NLRP12: variants seen among roughly 807,000 people sequenced by gnomAD.
NLRP12 encodes NACHT, LRR and PYD domains-containing protein 12.
NLRP12 carries 108 observed loss-of-function variants against 91.2 expected under a neutral mutation model. The ratio of observed to expected loss-of-function variants is 1.18; its 90% confidence interval spans 1.01 to 1.39. The LOEUF (loss-of-function observed/expected upper bound fraction) is 1.39, where lower values mean the gene tolerates loss of function less well. Ranked by LOEUF, NLRP12 falls within the 40% of genes most tolerant of loss-of-function variation. The pLI is 0.00. For missense variants in NLRP12, 1,530 were observed against 1,352.7 expected, an observed-to-expected ratio of 1.13 and a Z score of -2.06; for synonymous variants, 613 against 566.7, an observed-to-expected ratio of 1.08 and a Z score of -1.16.
chr19:53,800,351 C>T (rs945403990), intron 7 of NLRP12, among the ~76,000 whole-genome samples: 3 of 152,052 alleles, frequency 2.0e-5, no homozygotes, highest in African/African-American at 7.2e-5. Context: ...CGCTTGCAGT[C>T]CCAGCTACTC....
At chr19:53,800,010 A>G (rs2091840398) in intron 7 of NLRP12, among the ~76,000 whole-genome samples, 1 of 152,046 alleles carries the variant, frequency 6.6e-6, no homozygotes, top group Admixed American at 6.6e-5. Flanking sequence ...CAAAAAATAA[A>G]TAAAAATTGG....
rs1422013944 is a variant in NLRP12 at position 53,814,917 on chromosome 19, G to A, written c.361C>T (p.Pro121Ser). The A allele has an allele frequency of 6.2e-7, 1 of 1,613,760 alleles. No homozygotes were observed. The highest frequency in any genetic ancestry group is 1.7e-5 in the Admixed American group (1 of 59,972). ...ATGGCTTGAGGCTCACCTTTTCTTG[G>A]AGTGACAAGAGAGACTTCCAGAAGG... ...TCLLEVSLVT[P>S]RKDPQETYRD... The change falls in exon 2 of 10, where the codon CCA becomes TCA. Residue 121 changes from proline (P) to serine (S), a missense_variant. Coordinates refer to ENST00000324134, the MANE Select transcript of NLRP12 (RefSeq NM_144687.4).
intron 7 of NLRP12, among the ~76,000 whole-genome samples, chr19:53,800,315 A>G (rs1458016154): frequency 1.3e-5 from 2 of 151,962 alleles, no homozygotes; most frequent in African/African-American, 4.8e-5. Context: ...AAAAAAAAGT[A>G]AAAATTAGCC....
chr19:53,810,436 C>CA lies in NLRP12; in HGVS notation c.1222dup (p.Trp408LeufsTer70). 6.2e-7 allele frequency: 1 copy of CA among 1,614,050 alleles called. No individual in the cohort carries two copies. The highest frequency in any genetic ancestry group is 8.5e-7 in the Non-Finnish European group (1 of 1,180,024). ...CTGCTGGAGGCAGGTACACACCACC[C>CA]AGCACACCAGGGGGACGAAGCACAT... On this transcript the variant is annotated frameshift_variant, in exon 3 of 10. Transcript: ENST00000324134. LOFTEE classifies it high-confidence loss of function.
Position 53,793,839 on chromosome 19 carries a change from C to G in NLRP12, c.*210G>C. ...TGACCTCGTGATCCACCTGCCTCGG[C>G]CTCTCGAAGTGCTAGGATTACATAC... On this transcript the variant is annotated 3_prime_UTR_variant, in exon 10 of 10. Coordinates refer to ENST00000324134, the MANE Select transcript of NLRP12 (RefSeq NM_144687.4). The G allele has an allele frequency of 1.6e-6, 1 of 638,956 alleles. No individual in the cohort carries two copies. Among genetic ancestry groups the G allele is most frequent in the Non-Finnish European group, 2.8e-6 (1 of 352,272 alleles). The allele number at this position is 638,956 out of a possible 1,614,324, so 39.6% of individuals were successfully genotyped here.
chr19:53,797,130 AATT>A (rs10694110), intron 8 of NLRP12, among the ~76,000 whole-genome samples: 2 of 145,846 alleles, frequency 1.4e-5, no homozygotes, highest in African/African-American at 5.0e-5. Context: ...CACCAGATTG[AATT>A]ATTATTTTTT....
chr19:53,814,368 T>TA (rs370851923), intron 2 of NLRP12, among the ~76,000 whole-genome samples: 25 of 151,968 alleles, frequency 1.6e-4, no homozygotes, highest in African/African-American at 5.8e-4. Context: ...GCTTTTTTTT[T>TA]AAGAGATGGA....
At chr19:53,821,286 C>T (rs2092262062) in intron 1 of NLRP12, among the ~76,000 whole-genome samples, 2 of 152,040 alleles carry the variant, frequency 1.3e-5, no homozygotes, top group South Asian at 2.1e-4. Flanking sequence ...GATCCATCCA[C>T]CTCAATCTCC....
intron 7 of NLRP12, among the ~76,000 whole-genome samples, chr19:53,800,629 C>A (rs1401128542): frequency 6.6e-6 from 1 of 151,582 alleles, no homozygotes; most frequent in Non-Finnish European, 1.5e-5. Flanking sequence ...GTTGCCCAGA[C>A]TGGAGTGCAA....
intron 9 of NLRP12, among the ~76,000 whole-genome samples, chr19:53,794,813 C>T (rs953517407): frequency 4.6e-5 from 7 of 151,746 alleles, no homozygotes; most frequent in East Asian, 1.9e-4. Context: ...ATTACAGTCA[C>T]GTGCCACCAT....
At position 53,801,094 on chromosome 19, in the gene NLRP12, C is replaced by A. The variant is rs530941395; in HGVS notation, c.2756+133G>T. The stretch of plus-strand genomic sequence containing the variant: ...TGTAATCTCAGCTACTTGGGAGTCT[C>A]AAAAAAAAAAAAAAAAGGCTGATGT... On this transcript the variant is annotated intron_variant, in intron 7 of 9. Coordinates refer to ENST00000324134, the MANE Select transcript of NLRP12 (RefSeq NM_144687.4). The A allele has an allele frequency of 7.3e-4, 476 of 652,962 alleles. No homozygotes were observed. The African/African-American group carries it at 7.6e-3, about 10-fold the overall frequency. The allele number at this position is 652,962 out of a possible 1,614,324, so 40.4% of individuals were successfully genotyped here.
At position 53,810,482 on chromosome 19, in the gene NLRP12, C is replaced by A; in HGVS notation, c.1177G>T (p.Asp393Tyr). 1.2e-6 allele frequency: 2 copies of A among 1,614,108 alleles called. No homozygotes were observed. The highest frequency in any genetic ancestry group is 1.7e-6 in the Non-Finnish European group (2 of 1,180,026). The change falls in exon 3 of 10, where the codon GAC becomes TAC. Residue 393 changes from aspartate (D) to tyrosine (Y), a missense_variant. Physicochemically the swap from Asp to Tyr is radical, Grantham distance 160. Transcript: ENST00000324134. The part of the protein sequence containing the change: ...QAGQVFNYVR[D>Y]NEPLFTMCFV... Reference sequence around the variant, plus strand: ...CACATGGTGAAGAGAGGCTCGTTGTCCCTCACGTAATTGAAGACTTGGCCC... The same window carrying A: ...CACATGGTGAAGAGAGGCTCGTTGTACCTCACGTAATTGAAGACTTGGCCC...
rs778645126 is a variant in NLRP12 at position 53,794,133 on chromosome 19, T to C, written c.3102A>G (p.Leu1034=). Residue 1034 remains leucine, a synonymous_variant, in exon 10 of 10, where the codon TTA becomes TTG. Coordinates refer to ENST00000324134, the MANE Select transcript of NLRP12 (RefSeq NM_144687.4). The part of the protein sequence containing the change: ...HPGCKLRVLW[L]FGMDLNKMTH... Reference sequence around the variant, plus strand: ...TCATTTTATTCAGGTCCATCCCAAATAACCTGTGGACACAAGAGTTGATAT... The same window carrying C: ...TCATTTTATTCAGGTCCATCCCAAACAACCTGTGGACACAAGAGTTGATAT... The C allele has an allele frequency of 6.2e-7, 1 of 1,609,260 alleles. No individual in the cohort carries two copies. Among genetic ancestry groups the C allele is most frequent in the African/African-American group, 1.3e-5 (1 of 74,812 alleles).
intron 8 of NLRP12, 105 bp downstream of exon 8, chr19:53,798,136 CTT>C: frequency 1.6e-6 from 2 of 1,236,500 alleles, no homozygotes; most frequent in Non-Finnish European, 2.4e-6. Context: ...CTACCTGAAT[CTT>C]TTGTAGTGAA....
In NLRP12 at chr19:53,804,691, G is replaced by A. The variant is rs552739309; in HGVS notation, c.2415-569C>T. On this transcript the variant is annotated intron_variant, in intron 5 of 9. Coordinates refer to ENST00000324134, the MANE Select transcript of NLRP12 (RefSeq NM_144687.4). The stretch of plus-strand genomic sequence containing the variant: ...CTCCCAAAGTGCTGGGATTATAGAC[G>A]TGAACCACCGCTCCTGGCCCATACC... Among the ~76,000 whole-genome samples the A allele has an allele frequency of 2.7e-4, 40 of 150,402 alleles. No individual in the cohort carries two copies. In the East Asian group the frequency reaches 7.4e-3, roughly 28 times the overall value.
rs759015644 is a variant in NLRP12, at chr19:53,823,998, C to G, written c.177G>C (p.Leu59=). ...EKAGPLEMAQ[L]LITHFGPEEA... is the part of the protein sequence containing the mutation. ...CCTCTGGCCCGAAGTGGGTGATGAG[C>G]AGCTGGGCCATTTCCAGGGGACCGG... The change falls in exon 1 of 10, where the codon CTG becomes CTC. Residue 59 remains leucine, a synonymous_variant. Coordinates refer to ENST00000324134, the MANE Select transcript of NLRP12 (RefSeq NM_144687.4). The G allele has an allele frequency of 6.2e-7, 1 of 1,614,212 alleles. No homozygotes were observed. Among genetic ancestry groups the G allele is most frequent in the Non-Finnish European group, 8.5e-7 (1 of 1,180,050 alleles).
In NLRP12 at chr19:53,805,510, A is replaced by G. The variant is rs879205508; in HGVS notation, c.2244-60T>C. ...TTCTTTTGCTCCAGTTTTGTGGATT[A>G]TTTTCTTTTGCTTTTTTTTTTTTTT... On this transcript the variant is annotated intron_variant, in intron 4 of 9. Coordinates refer to ENST00000324134, the MANE Select transcript of NLRP12 (RefSeq NM_144687.4). 5 of 1,412,384 alleles carry G rather than the reference A, an allele frequency of 3.5e-6. No homozygotes were observed. The African/African-American group carries it at 8.1e-5, about 23-fold the overall frequency. The allele number at this position is 1,412,384 out of a possible 1,614,324, so 87.5% of individuals were successfully genotyped here.
At chr19:53,816,322 A>G (rs1180103343) in intron 1 of NLRP12, among the ~76,000 whole-genome samples, 1 of 152,062 alleles carries the variant, frequency 6.6e-6, no homozygotes, top group Non-Finnish European at 1.5e-5. Flanking sequence ...AAAGCAAAGA[A>G]CATCCTTTTG....
chr19:53,800,805 A>G (rs185861078), intron 7 of NLRP12, among the ~76,000 whole-genome samples: 177 of 152,128 alleles, frequency 1.2e-3, no homozygotes, highest in Non-Finnish European at 1.4e-3. Context: ...GCTGGTCTCG[A>G]ATTCCCCACC....
Sources: gnomAD v4.1 joint callset for allele counts (sites outside exome capture counted in the v4.1 genomes callset) on GRCh38, gnomAD v4.1.1 for gene constraint, MANE v1.5 for transcripts, NCBI Gene and HGNC (gene_info 2026-07-23, HGNC 2026-07-21) for gene names.